The following GSG1L2 variants were observed in gnomAD, a reference collection of about 807,000 sequenced individuals.
GSG1L2 encodes the protein GSG1 like 2.
Under a neutral mutation model 9.0 loss-of-function variants are expected in GSG1L2, and 15 were observed. The ratio of observed to expected loss-of-function variants is 1.67; its 90% CI spans 1.12 to 2.57. The LOEUF (loss-of-function observed/expected upper bound fraction) is 2.57, where lower values mean the gene tolerates loss of function less well. Ranked by LOEUF, GSG1L2 falls within the 30% of genes most tolerant of loss-of-function variation. The pLI is 0.00. For missense variants in GSG1L2, 286 were observed against 150.3 expected, an observed-to-expected ratio of 1.90 and a Z score of -4.72; for synonymous variants, 127 against 57.9, an observed-to-expected ratio of 2.19 and a Z score of -5.41.
chr17:9,810,521 G>T, intron 2 of GSG1L2, 50 bp downstream of exon 2: 4 of 699,490 alleles, frequency 5.7e-6, no homozygotes, highest in South Asian at 3.0e-5. Flanking sequence ...TATAAAAATA[G>T]TCCAAGCTAT....
rs775400471 is a variant in GSG1L2 at position 9,802,354 on chromosome 17, GC to G, written c.*31del. The G allele has an allele frequency of 1.6e-6, 1 of 619,516 alleles. No homozygotes were observed. Among genetic ancestry groups the G allele is most frequent in the Non-Finnish European group, 2.9e-6 (1 of 342,638 alleles). The allele number at this position is 619,516 out of a possible 1,614,324, so 38.4% of individuals were successfully genotyped here. A position where few individuals can be genotyped will look rare whatever the true frequency, so the allele number is the denominator to read the frequency against. On this transcript the variant is annotated 3_prime_UTR_variant, in exon 5 of 5. Transcript: ENST00000399363. ...GTGAGTGTCAGTGCCTGGCTTGTTT[GC>G]CTGTGCGGATGTGGCAGCCATGGAC... is the stretch of plus-strand genomic sequence containing the variant.
At chr17:9,808,625 G>A (rs7207040) in intron 3 of GSG1L2, among the ~76,000 whole-genome samples, 74,713 of 151,992 alleles carry the variant, frequency 0.49, 18,562 homozygotes, top group Middle Eastern at 0.58. Context: ...TTCTATCTGT[G>A]CCTAGCCCCT....
chr17:9,802,830 A>AT (rs533955672), intron 4 of GSG1L2, among the ~76,000 whole-genome samples, 186 bp from the exon 5 acceptor site: 46 of 152,234 alleles, frequency 3.0e-4, no homozygotes, highest in African/African-American at 9.1e-4. Flanking sequence ...GGTTAAGAGA[A>AT]TGGATTCTGG....
intron 1 of GSG1L2, among the ~76,000 whole-genome samples, chr17:9,812,079 T>C (rs1430120504): frequency 6.6e-6 from 1 of 152,222 alleles, no homozygotes; most frequent in East Asian, 1.9e-4. Flanking sequence ...CTATCACAGT[T>C]CATACGCATT....
At chr17:9,817,410 A>G (rs1280570903) in intron 1 of GSG1L2, among the ~76,000 whole-genome samples, 24 of 146,152 alleles carry the variant, frequency 1.6e-4, no homozygotes, top group Admixed American at 1.6e-3. Context: ...GCAAGCTTCC[A>G]GTTCTCTCCA....
At chr17:9,810,254 T>TG (rs2066533977) in intron 2 of GSG1L2, 1 of 435,954 alleles carries the variant, frequency 2.3e-6, no homozygotes, top group African/African-American at 2.0e-5. Flanking sequence ...CAGAGCTCTG[T>TG]GTTCATCTTG....
chr17:9,803,013 ATACT>A (rs1350458725), intron 4 of GSG1L2, among the ~76,000 whole-genome samples: 3 of 152,096 alleles, frequency 2.0e-5, no homozygotes, highest in Admixed American at 6.5e-5. Context: ...GGAAGTATTA[ATACT>A]TAGTATAGCA....
intron 4 of GSG1L2, chr17:9,805,582 T>C (rs1166951656): frequency 6.6e-6 from 1 of 152,210 alleles, no homozygotes; most frequent in Non-Finnish European, 1.5e-5. Context: ...TTATCTCTCA[T>C]TGGATCCTTT....
rs2066526823 is a variant in GSG1L2 at position 9,808,903 on chromosome 17, T to G, written c.438A>C (p.Arg146Ser). 5.7e-6 allele frequency: 4 copies of G among 702,922 alleles called. No individual in the cohort carries two copies. The East Asian group carries it at 1.1e-4, about 19-fold the overall frequency. 43.5% of individuals were successfully genotyped at this position (702,922 alleles called of 1,614,324 possible). A position where few individuals can be genotyped will look rare whatever the true frequency, so the allele number is the denominator to read the frequency against. ...ILTSAILLGSRVSCRSPGFHW... is the reference protein window; with the variant it reads ...ILTSAILLGSSVSCRSPGFHW... ...GGAACCCAGGGCTGCGACAACTCAC[T>G]CTGGAGCCCAGGAGGATGGCGCTTG... The change falls in exon 3 of 5, where the codon AGA becomes AGC. Residue 146 changes from arginine to serine, a missense_variant. By Grantham distance (110) the Arg-to-Ser change is moderately radical. Coordinates refer to ENST00000399363, the MANE Select transcript of GSG1L2 (RefSeq NM_001310219.2).
At chr17:9,806,499 A>C (rs2066516777) in intron 4 of GSG1L2, among the ~76,000 whole-genome samples, 1 of 152,258 alleles carries the variant, frequency 6.6e-6, no homozygotes, top group African/African-American at 2.4e-5. Flanking sequence ...AAAATTAAGT[A>C]ATTGAAAGTA....
intron 4 of GSG1L2, among the ~76,000 whole-genome samples, chr17:9,806,118 G>A (rs1473015615): frequency 6.6e-6 from 1 of 152,136 alleles, no homozygotes; most frequent in African/African-American, 2.4e-5. Flanking sequence ...CTTGTGAAGA[G>A]CCATGAACCC....
chr17:9,810,530 A>G lies in GSG1L2; in HGVS notation c.358+41T>C, dbSNP rs551350111. 1.6e-5 allele frequency: 11 copies of G among 702,228 alleles called. No homozygotes were observed. In the East Asian group the frequency reaches 2.7e-4, roughly 17 times the overall value. The allele number at this position is 702,228 out of a possible 1,614,324, so 43.5% of individuals were successfully genotyped here. A position where few individuals can be genotyped will look rare whatever the true frequency, so the allele number is the denominator to read the frequency against. ...TAAAACTATAAAAATAGTCCAAGCT[A>G]TGAGGAGTGCTAGTGGGCAGAGTGT... On this transcript the variant is annotated intron_variant, in intron 2 of 4. Transcript: ENST00000399363.
At chr17:9,817,427 C>CT (rs11334803) in intron 1 of GSG1L2, among the ~76,000 whole-genome samples, 182 of 137,762 alleles carry the variant, frequency 1.3e-3, no homozygotes, top group Middle Eastern at 3.6e-3. Flanking sequence ...TCCAACGAGG[C>CT]TTTTTTTTTT....
At chr17:9,809,064 C>T (rs939541443) in intron 2 of GSG1L2, 82 bp from the exon 3 acceptor site, 7 of 665,070 alleles carry the variant, frequency 1.1e-5, no homozygotes, top group South Asian at 6.4e-5. Context: ...ATTTAGTTCA[C>T]TTCTAAACAA....
chr17:9,813,977 A>G (rs1597943283), intron 1 of GSG1L2, among the ~76,000 whole-genome samples: 1 of 151,584 alleles, frequency 6.6e-6, no homozygotes, highest in Admixed American at 6.6e-5. Flanking sequence ...CTCTGTCGCC[A>G]GGGCTGGTGT....
Position 9,816,566 on chromosome 17 carries a change from A to AACTGTG in GSG1L2, c.310+5195_310+5196insCACAGT, listed in dbSNP as rs1567711280. On this transcript the variant is annotated intron_variant, in intron 1 of 4. Coordinates refer to ENST00000399363, the MANE Select transcript of GSG1L2 (RefSeq NM_001310219.2). ...TGCGTGTGTCTGTGTGTGCATGCAT[A>AACTGTG]TCTGTGTCTGTGTGTGCACGTGCGT... Among the ~76,000 whole-genome samples the AACTGTG allele has an allele frequency of 3.8e-5, 3 of 78,064 alleles. No homozygotes were observed. In the Admixed American group the frequency reaches 4.5e-4, roughly 12 times the overall value. The allele number at this position is 78,064 out of a possible 152,430, so 51.2% of individuals were successfully genotyped here.
At chr17:9,811,368 C>G (rs1457638857) in intron 1 of GSG1L2, among the ~76,000 whole-genome samples, 2 of 152,164 alleles carry the variant, frequency 1.3e-5, no homozygotes, top group Non-Finnish European at 2.9e-5. Flanking sequence ...CCACCAGACT[C>G]ATTTATGTGC....
intron 1 of GSG1L2, among the ~76,000 whole-genome samples, chr17:9,817,511 G>A (rs139716046): frequency 6.8e-6 from 1 of 146,836 alleles, no homozygotes; most frequent in African/African-American, 2.5e-5. Flanking sequence ...TGCAACCCCC[G>A]CCTCCCAGGT....
At chr17:9,812,652 T>C (rs998972786) in intron 1 of GSG1L2, among the ~76,000 whole-genome samples, 1 of 152,200 alleles carries the variant, frequency 6.6e-6, no homozygotes, top group South Asian at 2.1e-4. Context: ...TGAGACAGGG[T>C]CTTGCTCTGT....
Sources: gnomAD v4.1 joint callset for allele counts (sites outside exome capture counted in the v4.1 genomes callset) on GRCh38, gnomAD v4.1.1 for gene constraint, MANE v1.5 for transcripts, NCBI Gene and HGNC (gene_info 2026-07-23, HGNC 2026-07-21) for gene names.